CREB5: variants seen among roughly 807,000 people sequenced by gnomAD.
CREB5 encodes the protein cAMP responsive element binding protein 5.
CREB5 carries 19 observed loss-of-function variants against 57.1 expected under a neutral mutation model. That is an observed-to-expected ratio of 0.33 (90% CI 0.23 to 0.49). The LOEUF (loss-of-function observed/expected upper bound fraction) is 0.49, where lower values mean the gene tolerates loss of function less well. Ranked by LOEUF, CREB5 falls within the 20% of genes least tolerant of loss-of-function variation. CREB5 has a pLI of 0.99. For synonymous variants in CREB5, 238 were observed against 238.3 expected (o/e 1.00, Z 0.01); for missense variants, 579 against 671.6 (o/e 0.86, Z 1.52).
In CREB5 at chr7:28,459,765, T is replaced by A. The variant is rs371077645; in HGVS notation, c.4-28410T>A. On this transcript the variant is annotated intron_variant, in intron 1 of 10. Coordinates refer to ENST00000357727, the MANE Select transcript of CREB5 (RefSeq NM_182898.4). The stretch of plus-strand genomic sequence containing the variant: ...GCCTCGTCTTTGACTGGCTCTGTCA[T>A]GTTGCCCTTGTGGGGTCCTGTTTTC... Among the ~76,000 whole-genome samples the A allele has an allele frequency of 2.6e-5, 4 of 152,228 alleles. No homozygotes were observed. In the East Asian group the frequency reaches 7.7e-4, roughly 29 times the overall value.
chr7:28,709,465 T>C (rs1226325249), intron 5 of CREB5, among the ~76,000 whole-genome samples: 1 of 152,328 alleles, frequency 6.6e-6, no homozygotes, highest in East Asian at 1.9e-4. Context: ...AAAAAAAGTT[T>C]GCTTTAATAG....
intron 5 of CREB5, among the ~76,000 whole-genome samples, chr7:28,671,536 G>T (rs6976127): frequency 0.019 from 2,966 of 152,258 alleles, 88 homozygotes; most frequent in African/African-American, 0.067. Context: ...CCTGTCTCAG[G>T]TACCTCATCT....
chr7:28,735,105 TTGG>T (rs1562604597), intron 7 of CREB5, among the ~76,000 whole-genome samples: 179 of 148,820 alleles, frequency 1.2e-3, no homozygotes, highest in African/African-American at 4.1e-3. Flanking sequence ...CTTAATCGTT[TTGG>T]TTTTTTTTGT....
At chr7:28,752,349 T>A (rs1048622933) in intron 7 of CREB5, among the ~76,000 whole-genome samples, 1 of 152,152 alleles carries the variant, frequency 6.6e-6, no homozygotes, top group African/African-American at 2.4e-5. Context: ...ATAGTTTTAG[T>A]AGAGATGGGG....
At chr7:28,354,003 A>G (rs4492272) in intron 1 of CREB5, among the ~76,000 whole-genome samples, 18,864 of 152,218 alleles carry the variant, frequency 0.12, 1,306 homozygotes, top group Middle Eastern at 0.16. Flanking sequence ...AGCTTGGACT[A>G]TATCTGGAGA....
intron 1 of CREB5, among the ~76,000 whole-genome samples, chr7:28,306,373 C>T (rs1785182457): frequency 6.6e-6 from 1 of 152,094 alleles, no homozygotes; most frequent in Non-Finnish European, 1.5e-5. Flanking sequence ...CTGACCTCTG[C>T]CATTTTTTTA....
At chr7:28,419,315 A>G (rs778377542) in intron 1 of CREB5, among the ~76,000 whole-genome samples, 1 of 152,240 alleles carries the variant, frequency 6.6e-6, no homozygotes, top group Non-Finnish European at 1.5e-5. Context: ...AAAACACTTT[A>G]GCCCTTGTCG....
At chr7:28,808,219 G>A (rs2128803563) in intron 8 of CREB5, among the ~76,000 whole-genome samples, 1 of 152,302 alleles carries the variant, frequency 6.6e-6, no homozygotes, top group Non-Finnish European at 1.5e-5. Flanking sequence ...ACCCTGGTGA[G>A]CGCTCTGAGG....
intron 4 of CREB5, among the ~76,000 whole-genome samples, chr7:28,549,687 C>T (rs1209208822): frequency 6.6e-6 from 1 of 152,086 alleles, no homozygotes; most frequent in Non-Finnish European, 1.5e-5. Context: ...TTGTTTATTT[C>T]ACTGGATGCC....
At chr7:28,317,899 G>A (rs1418950656) in intron 1 of CREB5, among the ~76,000 whole-genome samples, 1 of 152,184 alleles carries the variant, frequency 6.6e-6, no homozygotes, top group Non-Finnish European at 1.5e-5. Context: ...AGAGTAGATG[G>A]CCATTCAGTA....
In CREB5 at chr7:28,384,518, T is replaced by A. The variant is rs185429592; in HGVS notation, c.-25+85077T>A. Among the ~76,000 whole-genome samples, 405 of 152,154 alleles carry A rather than the reference T, an allele frequency of 2.7e-3. 1 individual carries two copies. Among genetic ancestry groups the A allele is most frequent in the Non-Finnish European group, 2.8e-3 (191 of 68,010 alleles). ...AACCTGGCACAAACAGGCATTAGGA[T>A]CTTCATATATGAAAACAAATCATTT... On this transcript the variant is annotated intron_variant, in intron 1 of 9. Coordinates refer to the CREB5 transcript ENST00000396299.
At chr7:28,341,071 G>A (rs753903487) in intron 1 of CREB5, among the ~76,000 whole-genome samples, 9 of 152,076 alleles carry the variant, frequency 5.9e-5, no homozygotes, top group Non-Finnish European at 1.0e-4. Context: ...TCAGTGATAC[G>A]AAGTTAAAAC....
chr7:28,809,203 A>G lies in CREB5; in HGVS notation c.1043A>G (p.Gln348Arg). The G allele has an allele frequency of 6.2e-7, 1 of 1,613,094 alleles. No homozygotes were observed. Among genetic ancestry groups the G allele is most frequent in the South Asian group, 1.1e-5 (1 of 90,970 alleles). Residue 348 changes from glutamine to arginine, a missense_variant, in exon 9 of 11, where the codon CAA becomes CGA. By Grantham distance (43) the Gln-to-Arg change is conservative. Around this residue, in one of 3 missense-constraint regions of CREB5, gnomAD observed 459 missense variants for 515.7 expected, o/e 0.89. Coordinates refer to ENST00000357727, the MANE Select transcript of CREB5 (RefSeq NM_182898.4). The stretch of plus-strand genomic sequence containing the variant: ...GCCCAGCAGGTTTCACCAGCAACAC[A>G]ACAGATGCAGCCAACCCAGACAATA... ...GNQAQVSPAT[Q>R]QMQPTQTIQP...
chr7:28,724,899 A>G lies in CREB5; in HGVS notation c.702+567A>G, dbSNP rs1219874564. Among the ~76,000 whole-genome samples, 3 of 152,226 alleles carry G rather than the reference A, an allele frequency of 2.0e-5. No homozygotes were observed. In the East Asian group the frequency reaches 5.8e-4, roughly 29 times the overall value. ...TTTTTAACATATGTTACATGTTTGC[A>G]GTAAGGTCAGTCTTTCCAATCACAG... On this transcript the variant is annotated intron_variant, in intron 7 of 10. Coordinates refer to ENST00000357727, the MANE Select transcript of CREB5 (RefSeq NM_182898.4).
chr7:28,777,043 G>C (rs2237354), intron 7 of CREB5, among the ~76,000 whole-genome samples: 67,905 of 152,050 alleles, frequency 0.45, 16,352 homozygotes, highest in East Asian at 0.71. Context: ...AATATTTTCA[G>C]TTCTTTTGGG....
At chr7:28,407,904 T>C (rs146618105), upstream of CREB5, among the ~76,000 whole-genome samples, 34 of 152,334 alleles carry the variant, frequency 2.2e-4, 1 homozygote, top group Middle Eastern at 0.014. Flanking sequence ...TTGTGATGCA[T>C]TGGGATGAGA....
chr7:28,769,992 G>A (rs1009823982), intron 7 of CREB5, among the ~76,000 whole-genome samples: 8 of 152,176 alleles, frequency 5.3e-5, no homozygotes, highest in African/African-American at 1.7e-4. Context: ...CCATAGTTCT[G>A]TACAACTGTG....
At chr7:28,498,861 C>G (rs919313947) in intron 3 of CREB5, among the ~76,000 whole-genome samples, 1 of 152,142 alleles carries the variant, frequency 6.6e-6, no homozygotes, top group Non-Finnish European at 1.5e-5. Flanking sequence ...TCACTCTCTT[C>G]AGCTGTTCTC....
intron 5 of CREB5, among the ~76,000 whole-genome samples, chr7:28,660,882 C>G (rs559943438): frequency 2.1e-4 from 32 of 152,300 alleles, no homozygotes; most frequent in Non-Finnish European, 4.0e-4. Flanking sequence ...TTACATTCCC[C>G]CTCCTTGCTC....
Sources: gnomAD v4.1 joint callset for allele counts (sites outside exome capture counted in the v4.1 genomes callset) on GRCh38, gnomAD v4.1.1 for gene constraint, gnomAD v4.1.1 regional missense constraint, MANE v1.5 for transcripts, NCBI Gene and HGNC (gene_info 2026-07-23, HGNC 2026-07-21) for gene names.